ZNF577: variants seen among roughly 807,000 people sequenced by gnomAD.
ZNF577 encodes zinc finger protein 577.
ZNF577 carries 14 observed loss-of-function variants against 13.9 expected under a neutral mutation model. The ratio of observed to expected loss-of-function variants is 1.00; its 90% CI spans 0.66 to 1.57. The LOEUF is 1.57. Ranked by LOEUF, ZNF577 falls within the 40% of genes most tolerant of loss-of-function variation. The pLI, the probability that ZNF577 is intolerant of heterozygous loss-of-function variation, is 0.00. For synonymous variants in ZNF577, 203 were observed against 202.9 expected (o/e 1.00, Z 0.00); for missense variants, 555 against 579.2 (o/e 0.96, Z 0.43).
At chr19:51,857,365 G>GGAAGGAAAGAAAGAAAGAAA (rs1338621079) in intron 5 of ZNF577, among the ~76,000 whole-genome samples, 41 of 93,354 alleles carry the variant, frequency 4.4e-4, no homozygotes, top group African/African-American at 1.8e-3. Flanking sequence ...AAAGAAGGAA[G>GGAAGGAAAGAAAGAAAGAAA]GAAAGAAAGA....
chr19:51,824,517 T>C lies in ZNF577; in HGVS notation c.*600-12843A>G. On this transcript the variant is annotated intron_variant and NMD_transcript_variant, in intron 9 of 10. Transcript: ENST00000638827. The surrounding 1 kb of genome is among the most constrained non-coding windows in gnomAD (Gnocchi z 4.7). ...TTCTTTCTTCATCTGTTGGTTCCCT[T>C]ATGAACTAATTGGCATTCTAATGGC... is the stretch of plus-strand genomic sequence containing the variant. 6.2e-7 allele frequency: 1 copy of C among 1,614,128 alleles called. No homozygotes were observed. The highest frequency in any genetic ancestry group is 2.2e-5 in the East Asian group (1 of 44,872).
chr19:51,884,594 C>T (rs1314907021), intron 1 of ZNF577, among the ~76,000 whole-genome samples: 1 of 151,908 alleles, frequency 6.6e-6, no homozygotes, highest in Non-Finnish European at 1.5e-5. Context: ...AAAGTGAAGC[C>T]TCTCTAACAA....
chr19:51,861,113 CTTTTTTTT>C, intron 5 of ZNF577: 1 of 184,254 alleles, frequency 5.4e-6, no homozygotes, highest in South Asian at 4.8e-5. Flanking sequence ...TTGACTCTCT[CTTTTTTTT>C]TTTTTTTTTT....
chr19:51,833,332 C>A (rs2084270407), intron 9 of ZNF577, among the ~76,000 whole-genome samples: 1 of 152,112 alleles, frequency 6.6e-6, no homozygotes, highest in Non-Finnish European at 1.5e-5. Flanking sequence ...TACCTGTTGT[C>A]CAGTGTCAGA....
At chr19:51,854,748 TTC>T (rs909648846) in intron 5 of ZNF577, among the ~76,000 whole-genome samples, 30 of 152,244 alleles carry the variant, frequency 2.0e-4, no homozygotes, top group African/African-American at 7.2e-4. Context: ...TCTATTTACT[TTC>T]TGAGACTTTC....
chr19:51,839,055 T>C (rs573625180), intron 9 of ZNF577, among the ~76,000 whole-genome samples: 1 of 152,306 alleles, frequency 6.6e-6, no homozygotes, highest in African/African-American at 2.4e-5. Flanking sequence ...TTTGCTAGCA[T>C]TTCAGGCACA....
intron 5 of ZNF577, among the ~76,000 whole-genome samples, chr19:51,847,449 T>C (rs904486581): frequency 6.6e-6 from 1 of 151,898 alleles, no homozygotes; most frequent in African/African-American, 2.4e-5. Context: ...AAACGGACCC[T>C]CCAAATACTC....
chr19:51,866,112 T>G (rs1270044949), downstream of ZNF577, among the ~76,000 whole-genome samples: 1 of 139,312 alleles, frequency 7.2e-6, no homozygotes, highest in Non-Finnish European at 1.6e-5. Context: ...AGACTCCATC[T>G]AAAAAAAAAA....
chr19:51,823,064 T>A (rs1354843470), intron 9 of ZNF577, among the ~76,000 whole-genome samples: 1 of 152,106 alleles, frequency 6.6e-6, no homozygotes. Context: ...AGTTTCACCA[T>A]GTTGGCCAGG....
intron 5 of ZNF577, among the ~76,000 whole-genome samples, chr19:51,855,065 T>C (rs1030012353): frequency 3.9e-5 from 6 of 152,116 alleles, no homozygotes; most frequent in Admixed American, 2.6e-4. Flanking sequence ...TCCTCAGGGG[T>C]AGTTTCAGTT....
chr19:51,878,344 A>C (rs369343147), intron 4 of ZNF577, 45 bp downstream of exon 4: 9 of 1,603,660 alleles, frequency 5.6e-6, no homozygotes, highest in South Asian at 1.1e-5. Context: ...TACAGTGGTC[A>C]CCAAATAAGA....
intron 1 of ZNF577, among the ~76,000 whole-genome samples, chr19:51,885,345 A>G (rs558787530): frequency 3.0e-4 from 45 of 152,292 alleles, no homozygotes; most frequent in African/African-American, 1.1e-3. Flanking sequence ...CTTTACAGAA[A>G]GTTTGCCAGC....
At chr19:51,880,301 C>T (rs367722442) in intron 3 of ZNF577, 22 bp downstream of exon 3, 36 of 1,612,304 alleles carry the variant, frequency 2.2e-5, no homozygotes, top group Non-Finnish European at 3.1e-5. Flanking sequence ...TTCTCAAGCT[C>T]TCACAGCAAT....
At chr19:51,860,764 C>T (rs554435600) in intron 5 of ZNF577, 1 of 285,394 alleles carries the variant, frequency 3.5e-6, no homozygotes, top group African/African-American at 2.3e-5. Flanking sequence ...TAGGGGTTTC[C>T]TCTTGTATGA....
At chr19:51,837,564 T>C (rs967898691) in intron 9 of ZNF577, among the ~76,000 whole-genome samples, 1 of 152,206 alleles carries the variant, frequency 6.6e-6, no homozygotes, top group Non-Finnish European at 1.5e-5. Context: ...GTTCACAACA[T>C]GAATGCATCT....
chr19:51,851,362 A>C (rs79500363), intron 5 of ZNF577, among the ~76,000 whole-genome samples: 7,310 of 152,282 alleles, frequency 0.048, 380 homozygotes, highest in South Asian at 0.25. Context: ...ATTAAAAATT[A>C]ATCTTACTTT....
At chr19:51,844,644 CT>C (rs2084340726) in intron 6 of ZNF577, 2 of 152,186 alleles carry the variant, frequency 1.3e-5, no homozygotes, top group Admixed American at 6.5e-5. Flanking sequence ...ATTCTGTCTC[CT>C]AGTCTAACCA....
chr19:51,847,992 G>A (rs187579888), intron 5 of ZNF577, among the ~76,000 whole-genome samples: 36 of 152,278 alleles, frequency 2.4e-4, no homozygotes, highest in Non-Finnish European at 4.6e-4. Flanking sequence ...CAATATGGTC[G>A]CGCCCAAGCC....
intron 4 of ZNF577, 127 bp from the exon 5 acceptor site, chr19:51,877,504 A>C: frequency 2.8e-6 from 2 of 724,946 alleles, no homozygotes; most frequent in African/African-American, 1.8e-5. Context: ...ACTCAGGAAA[A>C]GAGCACAACC....
Sources: allele counts gnomAD v4.1 joint callset (sites outside exome capture counted in the v4.1 genomes callset), GRCh38; gene constraint gnomAD v4.1.1; non-coding constraint Gnocchi (gnomAD v3.1); transcripts MANE v1.5; gene names NCBI Gene and HGNC (gene_info 2026-07-23, HGNC 2026-07-21).